The following STARD8 variants were observed in gnomAD, a reference collection of about 807,000 sequenced individuals.
STARD8 encodes the protein stAR-related lipid transfer protein 8.
Under a neutral mutation model 69.4 loss-of-function variants are expected in STARD8, and 25 were observed. That is an observed-to-expected ratio of 0.36 (90% CI 0.26 to 0.50). The LOEUF is 0.50. STARD8 is among the 20% of genes least tolerant of loss of function. STARD8 has a pLI of 0.96. For missense variants in STARD8, 921 were observed against 932.5 expected (o/e 0.99, Z 0.16); for synonymous variants, 389 against 374.6 (o/e 1.04, Z -0.45).
chrX:68,673,231 G>A (rs1249869510), intron 2 of STARD8, among the ~76,000 whole-genome samples: 1 of 111,807 alleles, frequency 8.9e-6, no homozygotes, highest in African/African-American at 3.3e-5. Flanking sequence ...GACCGAAGTA[G>A]GCTGGCACTC....
At chrX:68,658,980 C>T (rs953842764) in intron 1 of STARD8, among the ~76,000 whole-genome samples, 1 of 112,322 alleles carries the variant, frequency 8.9e-6, no homozygotes, top group African/African-American at 3.2e-5. Flanking sequence ...TGGCCCTTTC[C>T]TCTACCTTGG....
At position 68,699,534 on chromosome X, in the gene STARD8, C is replaced by T. The variant is rs1376335405; in HGVS notation, c.80-13380C>T. On this transcript the variant is annotated intron_variant, in intron 2 of 14. Transcript: ENST00000374599. ...GACCCTGTCTGCTCTCTCTGACCTT[C>T]AGGGATCTGAGGATGGAACCCAAGT... Among the ~76,000 whole-genome samples, 3 of 111,751 alleles carry T rather than the reference C, an allele frequency of 2.7e-5. No individual in the cohort carries two copies. In the Admixed American group the frequency reaches 2.8e-4, roughly 11 times the overall value.
chrX:68,654,701 G>A (rs1174515507), intron 1 of STARD8, among the ~76,000 whole-genome samples: 1 of 110,439 alleles, frequency 9.1e-6, no homozygotes, highest in Non-Finnish European at 1.9e-5. Context: ...TGGGTGTGAG[G>A]TTTCACACCC....
intron 2 of STARD8, among the ~76,000 whole-genome samples, chrX:68,675,294 A>G (rs984296546): frequency 9.1e-6 from 1 of 110,416 alleles, no homozygotes; most frequent in Non-Finnish European, 1.9e-5. Flanking sequence ...GCGTTTTGCC[A>G]TGTTGGCCAG....
At chrX:68,686,447 C>G (rs2079833130) in intron 2 of STARD8, among the ~76,000 whole-genome samples, 2 of 112,652 alleles carry the variant, frequency 1.8e-5, no homozygotes, top group African/African-American at 6.5e-5. Flanking sequence ...GACACATGGC[C>G]CAGGCGCGGG....
intron 2 of STARD8, among the ~76,000 whole-genome samples, chrX:68,698,484 T>G (rs1242050940): frequency 9.0e-6 from 1 of 110,984 alleles, no homozygotes; most frequent in South Asian, 3.9e-4. Context: ...GCCAACCACA[T>G]GATTGCTGCT....
intron 1 of STARD8, among the ~76,000 whole-genome samples, chrX:68,660,624 A>T (rs2079638798): frequency 8.9e-6 from 1 of 112,528 alleles, no homozygotes; most frequent in African/African-American, 3.2e-5. Context: ...AGCTGCTCTA[A>T]GAAACCAGCC....
intron 2 of STARD8, among the ~76,000 whole-genome samples, chrX:68,686,737 C>G (rs1052947735): frequency 8.9e-6 from 1 of 112,578 alleles, no homozygotes; most frequent in Non-Finnish European, 1.9e-5. Context: ...GGCAGTGCCC[C>G]CTTTTGAGGC....
intron 2 of STARD8, among the ~76,000 whole-genome samples, chrX:68,702,667 CTCT>C (rs2079975145): frequency 9.0e-6 from 1 of 111,478 alleles, no homozygotes. Context: ...CTTGGCTCAC[CTCT>C]TCTTAGCTGC....
At chrX:68,687,288 C>A (rs2079840093) in intron 2 of STARD8, among the ~76,000 whole-genome samples, 1 of 110,106 alleles carries the variant, frequency 9.1e-6, no homozygotes, top group Non-Finnish European at 1.9e-5. Context: ...AGGAATGGGT[C>A]TCTGAGGGAT....
intron 1 of STARD8, among the ~76,000 whole-genome samples, chrX:68,655,917 T>C (rs970785590): frequency 2.7e-5 from 3 of 111,867 alleles, no homozygotes; most frequent in African/African-American, 9.8e-5. Context: ...AATCTGAATC[T>C]GAAGGGATGA....
At chrX:68,686,152 C>T (rs1423593312) in intron 2 of STARD8, among the ~76,000 whole-genome samples, 1 of 111,293 alleles carries the variant, frequency 9.0e-6, no homozygotes, top group African/African-American at 3.3e-5. Context: ...AAGAAGGTGA[C>T]TCCAACCTGG....
intron 2 of STARD8, among the ~76,000 whole-genome samples, chrX:68,680,769 T>A (rs962306048): frequency 9.0e-6 from 1 of 110,764 alleles, no homozygotes; most frequent in African/African-American, 3.3e-5. Context: ...GCACTGTGAC[T>A]ACTTCCCAGA....
chrX:68,699,506 C>T (rs2079949674), intron 2 of STARD8, among the ~76,000 whole-genome samples: 1 of 112,043 alleles, frequency 8.9e-6, no homozygotes, highest in Non-Finnish European at 1.9e-5. Flanking sequence ...CTGGGACCAC[C>T]TGGACCCTGT....
At chrX:68,704,981 G>A (rs2079994500) in intron 2 of STARD8, among the ~76,000 whole-genome samples, 1 of 112,146 alleles carries the variant, frequency 8.9e-6, no homozygotes. Context: ...ACAGTGGAGA[G>A]CAGTCACCGC....
At position 68,682,502 on chromosome X, in the gene STARD8, C is replaced by G. The variant is rs1333551391; in HGVS notation, c.79+16970C>G. 2.7e-5 allele frequency among the ~76,000 whole-genome samples: 3 copies of G among 112,310 alleles called. No homozygotes were observed. In the Admixed American group the frequency reaches 2.8e-4, roughly 11 times the overall value. On this transcript the variant is annotated intron_variant, in intron 2 of 14. Coordinates refer to ENST00000374599, the MANE Select transcript of STARD8 (RefSeq NM_001142503.3). The stretch of plus-strand genomic sequence containing the variant: ...GCTGTGGAGTCACCCAGAAAGGGAA[C>G]ACCTTATGCTATTCATAGGAGATAC...
At chrX:68,714,300 C>T (rs2080074925) in intron 3 of STARD8, among the ~76,000 whole-genome samples, 1 of 112,450 alleles carries the variant, frequency 8.9e-6, no homozygotes, top group African/African-American at 3.2e-5. Flanking sequence ...ATTGATTACT[C>T]TTACCTTTGT....
chrX:68,650,191 A>G (rs972942549), intron 1 of STARD8, among the ~76,000 whole-genome samples: 1 of 111,127 alleles, frequency 9.0e-6, no homozygotes, highest in Admixed American at 9.6e-5. Context: ...TGGGAGGCCA[A>G]TGCGAGAGGA....
At chrX:68,700,762 G>A (rs1449415364) in intron 2 of STARD8, among the ~76,000 whole-genome samples, 2 of 111,643 alleles carry the variant, frequency 1.8e-5, no homozygotes, top group Non-Finnish European at 3.8e-5. Context: ...TGTGGAAAAG[G>A]GGTCAGAGTG....
Sources: gnomAD v4.1 joint callset for allele counts (sites outside exome capture counted in the v4.1 genomes callset) on GRCh38, gnomAD v4.1.1 for gene constraint, MANE v1.5 for transcripts, NCBI Gene and HGNC (gene_info 2026-07-23, HGNC 2026-07-21) for gene names.